NGLY1: variants seen among roughly 807,000 people sequenced by gnomAD.
NGLY1 encodes peptide-N(4)-(N-acetyl-beta-glucosaminyl)asparagine amidase.
In NGLY1, 68 loss-of-function variants were observed where a neutral mutation model predicts 84.6. The ratio of observed to expected loss-of-function variants is 0.80; its 90% CI spans 0.66 to 0.98. The LOEUF (loss-of-function observed/expected upper bound fraction) is 0.98. Among genes scored for constraint, NGLY1 ranks in the 50% least tolerant of loss-of-function variants. NGLY1 has a pLI of 0.00. For synonymous variants in NGLY1, 280 were observed against 275.2 expected, an observed-to-expected ratio of 1.02 and a Z score of -0.17; for missense variants, 779 against 770.2, an observed-to-expected ratio of 1.01 and a Z score of -0.14.
chr3:25,755,097 C>T lies in NGLY1; in HGVS notation c.493-3834G>A, dbSNP rs1187123366. On this transcript the variant is annotated intron_variant, in intron 3 of 11. Transcript: ENST00000280700. ...ATTCTGGATGATGCAAAAATTTATT[C>T]GAGCCATGCTAAGAAACCTAATGTT... 12 of 1,449,008 alleles carry T rather than the reference C, an allele frequency of 8.3e-6. No homozygotes were observed. In the East Asian group the frequency reaches 9.1e-5, roughly 11 times the overall value. The allele number at this position is 1,449,008 out of a possible 1,614,324, so 89.8% of individuals were successfully genotyped here.
In NGLY1 at chr3:25,778,677, T is replaced by G; in HGVS notation, c.143A>C (p.Asp48Ala). The G allele has an allele frequency of 6.3e-7, 1 of 1,595,130 alleles. No individual in the cohort carries two copies. The change falls in exon 2 of 12, where the codon GAT becomes GCT. Residue 48 changes from aspartate (D) to alanine (A), a missense_variant. Asp to Ala is a moderately radical substitution (Grantham distance 126). Coordinates refer to ENST00000280700, the MANE Select transcript of NGLY1 (RefSeq NM_018297.4). ...AATCCGGATGGATCTATATTTTTCA[T>G]CATTAGGGTTTCTGACAAAAAACAA... ...YADNILRNPNDEKYRSIRIGN... is the reference protein window; with the variant it reads ...YADNILRNPNAEKYRSIRIGN...
chr3:25,737,538 T>C (rs1018154820), intron 5 of NGLY1, 83 bp from the exon 6 acceptor site: 10 of 1,304,356 alleles, frequency 7.7e-6, no homozygotes, highest in African/African-American at 1.5e-5. Context: ...TAAACAGAAA[T>C]GTTTAATTTT....
At chr3:25,788,945 A>T (rs961388368) in intron 1 of NGLY1, among the ~76,000 whole-genome samples, 5 of 152,210 alleles carry the variant, frequency 3.3e-5, no homozygotes, top group African/African-American at 1.2e-4. Context: ...AGGGGTAGGA[A>T]AGAATGCAGA....
At chr3:25,773,748 T>C (rs536010821) in intron 2 of NGLY1, among the ~76,000 whole-genome samples, 2 of 152,348 alleles carry the variant, frequency 1.3e-5, no homozygotes, top group African/African-American at 4.8e-5. Flanking sequence ...GTATAGACTA[T>C]GTCAGAGGAA....
chr3:25,732,272 T>C (rs768571298), intron 9 of NGLY1, 47 bp downstream of exon 9: 9 of 1,580,126 alleles, frequency 5.7e-6, no homozygotes, highest in African/African-American at 2.7e-5. Context: ...GCATAGTATA[T>C]GAAGCAGGAA....
chr3:25,765,527 C>T (rs1707521624), intron 2 of NGLY1, among the ~76,000 whole-genome samples: 1 of 150,320 alleles, frequency 6.7e-6, no homozygotes, highest in Non-Finnish European at 1.5e-5. Flanking sequence ...TTAAATTAAA[C>T]TCCAAAATCG....
chr3:25,769,717 T>C (rs141960311), intron 2 of NGLY1, among the ~76,000 whole-genome samples: 2 of 152,284 alleles, frequency 1.3e-5, no homozygotes, highest in East Asian at 1.9e-4. Context: ...AAAAAAGTAA[T>C]CATTTTTTAA....
chr3:25,755,157 G>A (rs188324560), intron 3 of NGLY1: 34 of 1,256,526 alleles, frequency 2.7e-5, no homozygotes, highest in East Asian at 4.6e-5. Flanking sequence ...ATCCAGTGTC[G>A]TGCTGATCTT....
chr3:25,783,358 G>T lies in NGLY1; in HGVS notation c.33C>A (p.Gly11=). 1 of 1,563,542 alleles carries T rather than the reference G, an allele frequency of 6.4e-7. No homozygotes were observed. The highest frequency in any genetic ancestry group is 8.6e-7 in the Non-Finnish European group (1 of 1,156,146). Residue 11 remains glycine (G), a synonymous_variant, in exon 1 of 12, where the codon GGC becomes GGA. Transcript: ENST00000280700. The surrounding 1 kb of genome is among the most constrained non-coding windows in gnomAD (Gnocchi z 4.5). MAAAALGSSS[G]SASPAVAELC... The stretch of plus-strand genomic sequence containing the variant: ...GCTCAGCCACGGCCGGGGACGCCGA[G>T]CCTGAGGAGCTGCCCAATGCCGCCG...
intron 2 of NGLY1, among the ~76,000 whole-genome samples, chr3:25,775,450 T>C (rs1708113464): frequency 6.6e-6 from 1 of 152,180 alleles, no homozygotes; most frequent in African/African-American, 2.4e-5. Flanking sequence ...GGAATATTAT[T>C]CCACCATAAA....
chr3:25,740,565 A>G (rs1245023333), intron 4 of NGLY1, among the ~76,000 whole-genome samples: 1 of 152,170 alleles, frequency 6.6e-6, no homozygotes, highest in African/African-American at 2.4e-5. Flanking sequence ...CATAAATATG[A>G]AGGACATATA....
intron 1 of NGLY1, chr3:25,789,745 T>TA (rs1708680805): frequency 1.6e-6 from 2 of 1,250,248 alleles, no homozygotes; most frequent in Non-Finnish European, 2.3e-6. Context: ...AGAATTTCCT[T>TA]AATTCTTTCT....
chr3:25,739,405 C>T (rs1460344253), intron 5 of NGLY1, among the ~76,000 whole-genome samples, 172 bp downstream of exon 5: 1 of 152,242 alleles, frequency 6.6e-6, no homozygotes, highest in Non-Finnish European at 1.5e-5. Flanking sequence ...TAAAACTTTA[C>T]TTACAAAAAC....
upstream of NGLY1, among the ~76,000 whole-genome samples, chr3:25,784,798 G>A (rs1395438509): frequency 4.6e-5 from 7 of 152,116 alleles, no homozygotes; most frequent in Admixed American, 4.6e-4. Context: ...TCCAAGTATG[G>A]TGTGTTCAAC....
chr3:25,776,608 A>G (rs1168850913), intron 2 of NGLY1, among the ~76,000 whole-genome samples: 2 of 152,234 alleles, frequency 1.3e-5, no homozygotes, highest in East Asian at 1.9e-4. Flanking sequence ...ATTGGTCACA[A>G]TTGTCCAAAG....
At chr3:25,741,756 T>A (rs1706160332) in intron 4 of NGLY1, among the ~76,000 whole-genome samples, 1 of 151,998 alleles carries the variant, frequency 6.6e-6, no homozygotes, top group South Asian at 2.1e-4. Context: ...TTTAGGAGGC[T>A]GAGGTGGGAG....
In NGLY1 at chr3:25,739,702, T is replaced by A. The variant is rs1177599962; in HGVS notation, c.756A>T (p.Lys252Asn). 1 of 1,614,080 alleles carries A rather than the reference T, an allele frequency of 6.2e-7. No homozygotes were observed. Among genetic ancestry groups the A allele is most frequent in the Non-Finnish European group, 8.5e-7 (1 of 1,180,002 alleles). The change falls in exon 5 of 12, where the codon AAA becomes AAT. Residue 252 changes from lysine to asparagine, a missense_variant. Transcript: ENST00000280700. ...FHWVNNVLCS[K>N]CGGQTRSRDR... ...CTCTAGACCTAGTCTGTCCACCACA[T>A]TTGCTGCACAAAACGTTATTCACCC...
chr3:25,719,723 T>C (rs1285089043), intron 11 of NGLY1, 88 bp from the exon 12 acceptor site: 1 of 1,026,968 alleles, frequency 9.7e-7, no homozygotes, highest in South Asian at 1.8e-5. Context: ...TATAGGCTGA[T>C]GTATAAGTTA....
At chr3:25,785,445 T>C (rs79606666), upstream of NGLY1, among the ~76,000 whole-genome samples, 1,077 of 151,852 alleles carry the variant, frequency 7.1e-3, 10 homozygotes, top group African/African-American at 0.025. Context: ...CATTGATACA[T>C]TTATTTATCC....
Sources: gnomAD v4.1 joint callset for allele counts (sites outside exome capture counted in the v4.1 genomes callset) on GRCh38, gnomAD v4.1.1 for gene constraint, Gnocchi (gnomAD v3.1) non-coding constraint, MANE v1.5 for transcripts, NCBI Gene and HGNC (gene_info 2026-07-23, HGNC 2026-07-21) for gene names.